MAF: variants seen among roughly 807,000 people sequenced by gnomAD.
MAF encodes MAF bZIP transcription factor, also known as transcription factor Maf.
MAF carries 10 observed loss-of-function variants against 22.0 expected under a neutral mutation model. The observed-to-expected ratio is 0.45, with a 90% confidence interval of 0.28 to 0.77. The LOEUF is 0.77. MAF is among the 30% of genes least tolerant of loss of function. The probability of loss-of-function intolerance (pLI) is 0.12; values close to 1 mark genes in which losing one functional copy is unlikely to be tolerated. For missense variants in MAF, 544 were observed against 548.4 expected (o/e 0.99, Z 0.08); for synonymous variants, 337 against 255.8 (o/e 1.32, Z -3.03).
the MAF span, among the ~76,000 whole-genome samples, chr16:79,425,550 G>A: frequency 6.6e-6 from 1 of 152,102 alleles, no homozygotes; most frequent in African/African-American, 2.4e-5. Flanking sequence ...TTAAAACATA[G>A]TTGCTATGAA....
At chr16:79,360,169 C>G in the MAF span, among the ~76,000 whole-genome samples, 4 of 152,126 alleles carry the variant, frequency 2.6e-5, no homozygotes, top group African/African-American at 9.7e-5. Context: ...TGTTTCCAAG[C>G]TTGTGATGGG....
At chr16:79,502,636 A>T in the MAF span, among the ~76,000 whole-genome samples, 1 of 149,594 alleles carries the variant, frequency 6.7e-6, no homozygotes, top group African/African-American at 2.5e-5. Context: ...ACTGCACTCC[A>T]GCCTAGGTAA....
the MAF span, among the ~76,000 whole-genome samples, chr16:79,393,342 G>T: frequency 6.6e-6 from 1 of 152,196 alleles, no homozygotes. Context: ...TTCCATGGTT[G>T]GCGAATAGCC....
the MAF span, among the ~76,000 whole-genome samples, chr16:79,271,980 C>T: frequency 2.0e-5 from 3 of 152,188 alleles, no homozygotes; most frequent in Non-Finnish European, 4.4e-5. Flanking sequence ...GATTTTTCTG[C>T]CTGTTGTGGC....
chr16:79,555,059 T>TA, the MAF span, among the ~76,000 whole-genome samples: 1 of 152,168 alleles, frequency 6.6e-6, no homozygotes, highest in African/African-American at 2.4e-5. Flanking sequence ...AGCTGGCAGA[T>TA]ACACTTCCTC....
the MAF span, among the ~76,000 whole-genome samples, chr16:79,245,052 A>G: frequency 6.1e-4 from 93 of 152,176 alleles, no homozygotes; most frequent in African/African-American, 1.9e-3. Flanking sequence ...CTTACACTCT[A>G]TACAAAAATT....
chr16:79,234,907 C>T, the MAF span, among the ~76,000 whole-genome samples: 103 of 152,072 alleles, frequency 6.8e-4, no homozygotes, highest in African/African-American at 2.2e-3. Flanking sequence ...CCTCGCGTTG[C>T]TGGACGCACC....
At chr16:79,580,826 A>G in the MAF span, among the ~76,000 whole-genome samples, 1 of 151,832 alleles carries the variant, frequency 6.6e-6, no homozygotes, top group Non-Finnish European at 1.5e-5. Flanking sequence ...GAAAAAAAAA[A>G]ATAGAAGAAA....
At chr16:79,337,558 A>C in the MAF span, among the ~76,000 whole-genome samples, 1 of 132,478 alleles carries the variant, frequency 7.5e-6, no homozygotes, top group Non-Finnish European at 1.6e-5. Flanking sequence ...ACAGAGCGAG[A>C]TTCCGTCTCA....
At chr16:79,419,527 G>A in the MAF span, among the ~76,000 whole-genome samples, 2 of 152,206 alleles carry the variant, frequency 1.3e-5, no homozygotes, top group African/African-American at 4.8e-5. Context: ...AGGCTTCCAG[G>A]CTTAGCCGCA....
the MAF span, among the ~76,000 whole-genome samples, chr16:79,263,057 G>C: frequency 1.3e-5 from 2 of 152,204 alleles, no homozygotes; most frequent in African/African-American, 4.8e-5. Flanking sequence ...TATTGACACA[G>C]TGTGGCCCAG....
chr16:79,412,747 G>C, the MAF span, among the ~76,000 whole-genome samples: 2 of 152,166 alleles, frequency 1.3e-5, no homozygotes, highest in Non-Finnish European at 2.9e-5. Context: ...GTATGAAAGG[G>C]CCTACTCCAG....
chr16:79,568,446 T>C, the MAF span, among the ~76,000 whole-genome samples: 2 of 152,180 alleles, frequency 1.3e-5, no homozygotes, highest in African/African-American at 4.8e-5. Flanking sequence ...CCTTGAGACA[T>C]GTCTACCTCA....
the MAF span, among the ~76,000 whole-genome samples, chr16:79,525,942 T>C: frequency 6.6e-6 from 1 of 152,204 alleles, no homozygotes; most frequent in Admixed American, 6.5e-5. Flanking sequence ...AGAAGATTCT[T>C]GGAGACGTGA....
the MAF span, among the ~76,000 whole-genome samples, chr16:79,416,041 G>A: frequency 3.3e-5 from 5 of 152,106 alleles, no homozygotes; most frequent in African/African-American, 4.8e-5. Context: ...TTGCGCCCGA[G>A]CACAGCACCT....
the MAF span, among the ~76,000 whole-genome samples, chr16:79,524,907 C>A: frequency 6.6e-6 from 1 of 152,156 alleles, no homozygotes; most frequent in Admixed American, 6.5e-5. Context: ...GTGGCCAACA[C>A]GCACACAGAT....
At chr16:79,236,738 C>G in the MAF span, among the ~76,000 whole-genome samples, 1 of 151,872 alleles carries the variant, frequency 6.6e-6, no homozygotes, top group African/African-American at 2.4e-5. Context: ...TCCAGGTCCT[C>G]AGCATTCCCC....
the MAF span, among the ~76,000 whole-genome samples, chr16:79,397,054 C>G: frequency 6.6e-6 from 1 of 152,210 alleles, no homozygotes; most frequent in East Asian, 1.9e-4. Flanking sequence ...TAAAATGGGA[C>G]TAAAATGCCG....
At chr16:79,595,297 C>A in intron 1 of MAF, 2 of 1,048,500 alleles carry the variant, frequency 1.9e-6, no homozygotes, top group Non-Finnish European at 2.3e-6. Context: ...ACACTGTCTT[C>A]GTGTTTTGTA....
Sources: gnomAD v4.1 joint callset for allele counts (sites outside exome capture counted in the v4.1 genomes callset) on GRCh38, gnomAD v4.1.1 for gene constraint, MANE v1.5 for transcripts, NCBI Gene and HGNC (gene_info 2026-07-23, HGNC 2026-07-21) for gene names.